The following SLC37A3 variants were observed in gnomAD, a reference collection of about 807,000 sequenced individuals.
SLC37A3 encodes sugar phosphate exchanger 3.
Under a neutral mutation model 67.1 loss-of-function variants are expected in SLC37A3, and 51 were observed. The observed-to-expected ratio is 0.76, with a 90% confidence interval of 0.61 to 0.96. The LOEUF (loss-of-function observed/expected upper bound fraction) is 0.96, where lower values mean the gene tolerates loss of function less well. SLC37A3 is among the 40% of genes least tolerant of loss of function. SLC37A3 has a pLI of 0.00. For synonymous variants in SLC37A3, 214 were observed against 231.4 expected (o/e 0.92, Z 0.68); for missense variants, 508 against 603.0 (o/e 0.84, Z 1.65).
At chr7:140,390,177 C>T (rs567237827) in intron 1 of SLC37A3, among the ~76,000 whole-genome samples, 2 of 152,192 alleles carry the variant, frequency 1.3e-5, no homozygotes, top group South Asian at 4.2e-4. Flanking sequence ...GGGGAGTGGT[C>T]AGCAGTAAAA....
intron 6 of SLC37A3, among the ~76,000 whole-genome samples, chr7:140,357,581 G>C (rs1166481116): frequency 6.9e-6 from 1 of 145,110 alleles, no homozygotes; most frequent in Non-Finnish European, 1.5e-5. Context: ...AAAAAAAAAA[G>C]ATGACTCAAA....
At chr7:140,337,757 T>C (rs1006316135) in intron 13 of SLC37A3, 24 of 156,866 alleles carry the variant, frequency 1.5e-4, no homozygotes, top group African/African-American at 3.6e-4. Flanking sequence ...GTTGCAGTAC[T>C]ACCTTTGCAT....
At chr7:140,378,465 C>A (rs1798116426) in intron 3 of SLC37A3, among the ~76,000 whole-genome samples, 1 of 152,004 alleles carries the variant, frequency 6.6e-6, no homozygotes, top group African/African-American at 2.4e-5. Context: ...GGGCCGGGAG[C>A]GGTGGCTCAC....
chr7:140,385,807 G>C (rs566147995), intron 1 of SLC37A3, among the ~76,000 whole-genome samples: 1 of 152,274 alleles, frequency 6.6e-6, no homozygotes, highest in South Asian at 2.1e-4. Context: ...TTCTGAGACA[G>C]AGTCTGGCTC....
intron 4 of SLC37A3, among the ~76,000 whole-genome samples, chr7:140,365,468 C>A (rs1244094823): frequency 2.6e-5 from 4 of 152,102 alleles, no homozygotes; most frequent in Non-Finnish European, 5.9e-5. Context: ...CACCTGTAAT[C>A]CCAGCACTTT....
chr7:140,351,908 C>T (rs971165953), intron 8 of SLC37A3, 154 bp downstream of exon 8: 14 of 782,490 alleles, frequency 1.8e-5, no homozygotes, highest in Admixed American at 1.0e-4. Context: ...GCTACAATGT[C>T]GACAGGACTC....
At chr7:140,344,906 G>T (rs1796493072) in intron 12 of SLC37A3, among the ~76,000 whole-genome samples, 1 of 152,140 alleles carries the variant, frequency 6.6e-6, no homozygotes. Flanking sequence ...TTGAAAGCTG[G>T]TGAATTGGTC....
At chr7:140,374,414 T>G (rs1396726854) in intron 3 of SLC37A3, among the ~76,000 whole-genome samples, 2 of 151,602 alleles carry the variant, frequency 1.3e-5, no homozygotes, top group African/African-American at 4.8e-5. Context: ...GGAGAATCAC[T>G]TGAACCCAGG....
chr7:140,341,038 C>T (rs913795835), intron 13 of SLC37A3, among the ~76,000 whole-genome samples: 4 of 152,076 alleles, frequency 2.6e-5, no homozygotes, highest in African/African-American at 9.7e-5. Context: ...CAGGCTCAAG[C>T]GATCCTCCTG....
intron 5 of SLC37A3, among the ~76,000 whole-genome samples, chr7:140,362,428 G>T (rs1298260527): frequency 1.7e-5 from 2 of 119,416 alleles, no homozygotes; most frequent in Non-Finnish European, 1.8e-5. Flanking sequence ...TGGGGGGGGG[G>T]GTCAGCCCCC....
In SLC37A3 at chr7:140,337,277, C is replaced by CACT. The variant is rs1328498644; in HGVS notation, c.1392+4_1392+6dup. On this transcript the variant is annotated splice_region_variant and intron_variant, in intron 14 of 14. Transcript: ENST00000326232. ...ACTTTTTTTTTTTTAAAGGGGCACA[C>CACT]ACTTACCATGAGAATGAAAAAGTAG... is the stretch of plus-strand genomic sequence containing the variant. The CACT allele has an allele frequency of 1.9e-6, 3 of 1,586,170 alleles. No individual in the cohort carries two copies. Among genetic ancestry groups the CACT allele is most frequent in the Non-Finnish European group, 2.6e-6 (3 of 1,168,462 alleles).
intron 5 of SLC37A3, 60 bp downstream of exon 5, chr7:140,364,348 A>C: frequency 1.4e-6 from 2 of 1,419,280 alleles, no homozygotes; most frequent in Non-Finnish European, 9.8e-7. Flanking sequence ...AGAAGTAGGG[A>C]GATTACTTAG....
intron 1 of SLC37A3, among the ~76,000 whole-genome samples, chr7:140,391,927 C>G (rs1185879382): frequency 6.6e-6 from 1 of 152,208 alleles, no homozygotes; most frequent in Admixed American, 6.5e-5. Flanking sequence ...TCTTGCTGAC[C>G]TGCCTGTTGC....
chr7:140,339,790 G>A (rs1004775555), intron 13 of SLC37A3, among the ~76,000 whole-genome samples: 3 of 150,878 alleles, frequency 2.0e-5, no homozygotes, highest in African/African-American at 7.3e-5. Context: ...AGGCTGGAGT[G>A]CAGTGGCACA....
intron 3 of SLC37A3, among the ~76,000 whole-genome samples, chr7:140,376,809 T>C (rs1798049508): frequency 1.3e-5 from 2 of 152,160 alleles, no homozygotes; most frequent in African/African-American, 2.4e-5. Context: ...GGTCTTGCTC[T>C]GTCACCCAGG....
At chr7:140,390,984 G>GA (rs1338127689) in intron 1 of SLC37A3, among the ~76,000 whole-genome samples, 1 of 152,022 alleles carries the variant, frequency 6.6e-6, no homozygotes, top group Non-Finnish European at 1.5e-5. Flanking sequence ...TTTTGCCACA[G>GA]AAAAATCACT....
chr7:140,377,173 G>A (rs918479726), intron 3 of SLC37A3, among the ~76,000 whole-genome samples: 1 of 151,200 alleles, frequency 6.6e-6, no homozygotes, highest in Admixed American at 6.6e-5. Flanking sequence ...TCGAACTCCT[G>A]ACCTCAAGTG....
At chr7:140,388,608 C>T (rs1048941820) in intron 1 of SLC37A3, among the ~76,000 whole-genome samples, 1 of 151,276 alleles carries the variant, frequency 6.6e-6, no homozygotes, top group Admixed American at 6.6e-5. Flanking sequence ...GTCAGGGGTT[C>T]GAGACCAGCC....
At chr7:140,380,048 G>A (rs6947516) in intron 3 of SLC37A3, 40,070 of 290,848 alleles carry the variant, frequency 0.14, 3,614 homozygotes, top group African/African-American at 0.29. Context: ...TGAAAAAACA[G>A]CCTTGTCAAA....
Sources: gnomAD v4.1 joint callset for allele counts (sites outside exome capture counted in the v4.1 genomes callset) on GRCh38, gnomAD v4.1.1 for gene constraint, MANE v1.5 for transcripts, NCBI Gene and HGNC (gene_info 2026-07-23, HGNC 2026-07-21) for gene names.